Variants in ACSBG1 observed in about 807,000 individuals in gnomAD.
The protein encoded by ACSBG1 is long-chain-fatty-acid--CoA ligase ACSBG1.
Under a neutral mutation model 80.2 loss-of-function variants are expected in ACSBG1, and 39 were observed. That is an observed-to-expected ratio of 0.49 (90% CI 0.38 to 0.64). The LOEUF (loss-of-function observed/expected upper bound fraction) is 0.64. Ranked by LOEUF, ACSBG1 falls within the 30% of genes least tolerant of loss-of-function variation. ACSBG1 has a pLI of 0.00. For missense variants in ACSBG1, 828 were observed against 966.4 expected, an observed-to-expected ratio of 0.86 and a Z score of 1.90; for synonymous variants, 392 against 379.5, an observed-to-expected ratio of 1.03 and a Z score of -0.38.
intron 5 of ACSBG1, among the ~76,000 whole-genome samples, chr15:78,192,304 G>T (rs1409662390): frequency 1.3e-5 from 2 of 151,984 alleles, no homozygotes; most frequent in African/African-American, 4.8e-5. Flanking sequence ...CCTCCCCAAG[G>T]CCACACTGCA....
intron 5 of ACSBG1, among the ~76,000 whole-genome samples, chr15:78,185,978 T>A (rs1218414033): frequency 1.3e-5 from 2 of 152,190 alleles, no homozygotes; most frequent in African/African-American, 2.4e-5. Context: ...TGAAAGAATG[T>A]ATTGCCATCA....
rs138418929 is a variant in ACSBG1, at chr15:78,208,082, G to A, written c.152C>T (p.Pro51Leu). The A allele has an allele frequency of 3.7e-4, 596 of 1,613,926 alleles. 4 individuals carry two copies. In the South Asian group the frequency reaches 3.8e-3, roughly 10 times the overall value. Residue 51 changes from proline to leucine, a missense_variant, in exon 2 of 14, where the codon CCA (proline) becomes CTA (leucine). Transcript: ENST00000258873. Reference protein sequence around the residue: ...LKTSSLTDRQPLSKESLNHAL... With the variant: ...LKTSSLTDRQLLSKESLNHAL... Reference sequence around the variant, plus strand: ...ATGGTTCAGGGACTCTTTGGAGAGTGGCTGCCTGTCAGTCAGTGAGCTGGG... The same window carrying A: ...ATGGTTCAGGGACTCTTTGGAGAGTAGCTGCCTGTCAGTCAGTGAGCTGGG...
intron 1 of ACSBG1, among the ~76,000 whole-genome samples, chr15:78,213,139 G>C (rs2075281386): frequency 6.6e-6 from 1 of 152,172 alleles, no homozygotes; most frequent in African/African-American, 2.4e-5. Flanking sequence ...ACCCCAAACA[G>C]GGAGAGCAAT....
At chr15:78,199,649 C>T (rs1273621039) in intron 2 of ACSBG1, among the ~76,000 whole-genome samples, 1 of 150,750 alleles carries the variant, frequency 6.6e-6, no homozygotes, top group Non-Finnish European at 1.5e-5. Context: ...TGCATGCCAC[C>T]ATTCCCAGCT....
At chr15:78,205,630 C>T (rs1379638988) in intron 2 of ACSBG1, among the ~76,000 whole-genome samples, 2 of 152,150 alleles carry the variant, frequency 1.3e-5, no homozygotes, top group Admixed American at 1.3e-4. Context: ...ATTTGTTTTC[C>T]CTGCTACTGA....
intron 1 of ACSBG1, among the ~76,000 whole-genome samples, chr15:78,231,283 G>C (rs1246388314): frequency 1.7e-5 from 2 of 114,362 alleles, no homozygotes; most frequent in Non-Finnish European, 3.9e-5. Flanking sequence ...ACCACGCCTG[G>C]CTAATTTTTT....
intron 5 of ACSBG1, among the ~76,000 whole-genome samples, chr15:78,183,648 G>A (rs2074971815): frequency 6.6e-6 from 1 of 152,218 alleles, no homozygotes; most frequent in Non-Finnish European, 1.5e-5. Flanking sequence ...GGAATAAAGG[G>A]AAGAAGAAAG....
intron 1 of ACSBG1, among the ~76,000 whole-genome samples, chr15:78,224,305 A>G (rs1465147892): frequency 3.9e-5 from 6 of 152,250 alleles, no homozygotes; most frequent in Admixed American, 3.9e-4. Flanking sequence ...ATAACTGACC[A>G]ATGGAAACCA....
intron 5 of ACSBG1, 85 bp downstream of exon 5, chr15:78,193,421 G>A (rs2075075610): frequency 6.5e-7 from 1 of 1,529,888 alleles, no homozygotes. Flanking sequence ...CTGGATGGAG[G>A]GCGGGAAGGT....
chr15:78,208,557 C>T (rs965159251), intron 1 of ACSBG1, among the ~76,000 whole-genome samples: 1 of 152,200 alleles, frequency 6.6e-6, no homozygotes, highest in Non-Finnish European at 1.5e-5. Context: ...CCAGCCATGC[C>T]CAGAAACTGA....
At chr15:78,217,119 G>C (rs1447437078) in intron 1 of ACSBG1, among the ~76,000 whole-genome samples, 2 of 152,202 alleles carry the variant, frequency 1.3e-5, no homozygotes, top group African/African-American at 4.8e-5. Flanking sequence ...TAGGGACAAG[G>C]CTGCAAAGTT....
In ACSBG1 at chr15:78,168,949, G is replaced by C; in HGVS notation, c.*2495C>G. ...CTTGACAAAAGATTTGGGAGGCAAT[G>C]CAAAATGCTCAGACTTCACAGAGGA... is the stretch of plus-strand genomic sequence containing the variant. On this transcript the variant is annotated 3_prime_UTR_variant, in exon 14 of 14. Transcript: ENST00000258873. 1 of 1,603,404 alleles carries C rather than the reference G, an allele frequency of 6.2e-7. No individual in the cohort carries two copies. Among genetic ancestry groups the C allele is most frequent in the Non-Finnish European group, 8.5e-7 (1 of 1,171,356 alleles).
rs755955040 is a variant in ACSBG1, at chr15:78,234,374, G to A, written c.128C>T (p.Thr43Ile). ...IVRTTQEKLK[T>I]SSLTDRQPLS... ...AGAAACCCAACCAATGACTTACCTG[G>A]TTTTCAATTTTTCTTGGGTGGTCCT... Residue 43 changes from threonine to isoleucine, a missense_variant, in exon 1 of 14, where the codon ACC becomes ATC. By Grantham distance (89) the Thr-to-Ile change is moderately conservative. Around this residue, in one of 3 missense-constraint regions of ACSBG1, gnomAD observed 356 missense variants for 363.5 expected, o/e 0.98. Transcript: ENST00000258873. 6.2e-7 allele frequency: 1 copy of A among 1,610,642 alleles called. No individual in the cohort carries two copies. The highest frequency in any genetic ancestry group is 1.7e-5 in the Admixed American group (1 of 60,018).
At chr15:78,199,540 A>G (rs973507575) in intron 2 of ACSBG1, among the ~76,000 whole-genome samples, 1 of 152,074 alleles carries the variant, frequency 6.6e-6, no homozygotes. Flanking sequence ...AGTAGATCTT[A>G]TCTCTACAAA....
chr15:78,188,694 A>G (rs1239828919), intron 5 of ACSBG1, among the ~76,000 whole-genome samples: 2 of 143,442 alleles, frequency 1.4e-5, no homozygotes. Flanking sequence ...TTAAAGACTT[A>G]AACGTTAGAC....
At chr15:78,197,760 C>G (rs116434875) in intron 2 of ACSBG1, among the ~76,000 whole-genome samples, 1 of 150,486 alleles carries the variant, frequency 6.6e-6, no homozygotes, top group Non-Finnish European at 1.5e-5. Context: ...GTTGACCCCC[C>G]ACAAAGTGGT....
chr15:78,200,720 G>C (rs2075159424), intron 2 of ACSBG1, among the ~76,000 whole-genome samples: 1 of 152,204 alleles, frequency 6.6e-6, no homozygotes. Context: ...GCCAAGTCCT[G>C]TGACAGGTTC....
intron 1 of ACSBG1, among the ~76,000 whole-genome samples, chr15:78,211,967 T>C (rs1216135085): frequency 6.6e-6 from 1 of 152,214 alleles, no homozygotes; most frequent in Non-Finnish European, 1.5e-5. Flanking sequence ...CTGTTGGAGC[T>C]CAGTACATGT....
rs754413183 is a variant in ACSBG1, at chr15:78,178,658, C to A, written c.1658G>T (p.Arg553Leu). Residue 553 changes from arginine to leucine, a missense_variant, in exon 11 of 14, where the codon CGC (arginine) becomes CTC (leucine). Around this residue, in one of 3 missense-constraint regions of ACSBG1, gnomAD observed 201 missense variants for 227.0 expected, o/e 0.89. Transcript: ENST00000258873. This position sits in a 1 kb window ranked among gnomAD's most constrained non-coding sequence, Gnocchi z 4.3. Reference protein sequence around the residue: ...EGWLHTGDAGRLDADGFLYIT... With the variant: ...EGWLHTGDAGLLDADGFLYIT... ...GTAGAGGAAGCCATCGGCGTCCAGGCGGCCAGCATCACCCGTGTGCAGCCA... is the reference window on the plus strand; with the variant it reads ...GTAGAGGAAGCCATCGGCGTCCAGGAGGCCAGCATCACCCGTGTGCAGCCA... The A allele has an allele frequency of 1.2e-6, 2 of 1,613,842 alleles. No individual in the cohort carries two copies. The highest frequency in any genetic ancestry group is 1.1e-5 in the South Asian group (1 of 91,042).
Sources: allele counts gnomAD v4.1 joint callset (sites outside exome capture counted in the v4.1 genomes callset), GRCh38; gene constraint gnomAD v4.1.1; regional missense constraint gnomAD v4.1.1; non-coding constraint Gnocchi (gnomAD v3.1); transcripts MANE v1.5; gene names NCBI Gene and HGNC (gene_info 2026-07-23, HGNC 2026-07-21).